Variants in PIP4K2B observed in about 807,000 individuals in gnomAD.
PIP4K2B encodes phosphatidylinositol-5-phosphate 4-kinase type 2 beta.
In PIP4K2B, 3 loss-of-function variants were observed where a neutral mutation model predicts 42.0. That is an observed-to-expected ratio of 0.07 (90% CI 0.03 to 0.18). The LOEUF (loss-of-function observed/expected upper bound fraction) is 0.18, where lower values mean the gene tolerates loss of function less well. Among genes scored for constraint, PIP4K2B ranks in the 10% least tolerant of loss-of-function variants. The pLI, the probability that PIP4K2B is intolerant of heterozygous loss-of-function variation, is 1.00. For missense variants in PIP4K2B, 332 were observed against 562.3 expected (o/e 0.59, Z 4.14); for synonymous variants, 204 against 210.1 (o/e 0.97, Z 0.25).
chr17:38,799,222 A>G lies in PIP4K2B; in HGVS notation c.159+44T>C. 6.5e-7 allele frequency: 1 copy of G among 1,535,704 alleles called. No homozygotes were observed. The highest frequency in any genetic ancestry group is 8.7e-7 in the Non-Finnish European group (1 of 1,147,254). ...GGCCCAGGGCTGCAGGGGGCGTGGG[A>G]GCGCGCGGGGCCGCGCTCAGAGGGG... On this transcript the variant is annotated intron_variant, in intron 1 of 9. Transcript: ENST00000619039. The surrounding 1 kb of genome is among the most constrained non-coding windows in gnomAD (Gnocchi z 4.4).
intron 9 of PIP4K2B, among the ~76,000 whole-genome samples, chr17:38,770,198 G>A (rs889778970): frequency 6.6e-6 from 1 of 152,212 alleles, no homozygotes; most frequent in Non-Finnish European, 1.5e-5. Flanking sequence ...GCTTGGCCCC[G>A]AGGGCTGGAG....
At chr17:38,775,144 G>A (rs1319436875) in intron 7 of PIP4K2B, among the ~76,000 whole-genome samples, 3 of 151,986 alleles carry the variant, frequency 2.0e-5, no homozygotes, top group Non-Finnish European at 1.5e-5. Flanking sequence ...TAGTAGAGAC[G>A]GGGTTTCACC....
At chr17:38,798,971 G>A (rs938567772) in intron 1 of PIP4K2B, among the ~76,000 whole-genome samples, 4 of 152,234 alleles carry the variant, frequency 2.6e-5, no homozygotes, top group Admixed American at 6.5e-5. Context: ...CTGCACTGAG[G>A]CCTTGCCTTT....
intron 5 of PIP4K2B, among the ~76,000 whole-genome samples, chr17:38,778,612 A>G (rs902686946): frequency 6.6e-5 from 10 of 152,220 alleles, no homozygotes; most frequent in African/African-American, 2.4e-4. Flanking sequence ...CCCTTGAGCT[A>G]CTTTCCTTCT....
chr17:38,780,237 TCAGTC>T (rs1909621061), intron 4 of PIP4K2B, among the ~76,000 whole-genome samples: 3 of 151,842 alleles, frequency 2.0e-5, no homozygotes, highest in African/African-American at 7.3e-5. Flanking sequence ...CAACTGGGAG[TCAGTC>T]AGCGATGAGC....
intron 7 of PIP4K2B, chr17:38,776,691 A>T: frequency 2.5e-6 from 1 of 398,230 alleles, no homozygotes; most frequent in Non-Finnish European, 4.9e-6. Flanking sequence ...TTTTACCACA[A>T]TTAAAAAAAA....
intron 1 of PIP4K2B, among the ~76,000 whole-genome samples, chr17:38,795,275 A>T (rs1910594477): frequency 1.3e-5 from 2 of 152,152 alleles, no homozygotes; most frequent in Non-Finnish European, 2.9e-5. Context: ...AGATCTTTGT[A>T]AATGGGCAAA....
intron 1 of PIP4K2B, among the ~76,000 whole-genome samples, chr17:38,789,322 C>T (rs374132635): frequency 6.6e-6 from 1 of 152,224 alleles, no homozygotes; most frequent in Non-Finnish European, 1.5e-5. Context: ...TTCCCCACCT[C>T]GAGTTTAGCC....
chr17:38,779,572 G>A, intron 4 of PIP4K2B, 43 bp from the exon 5 acceptor site: 1 of 1,583,206 alleles, frequency 6.3e-7, no homozygotes, highest in Non-Finnish European at 8.7e-7. Flanking sequence ...GGAACAGGCA[G>A]TGCCAGGGAT....
Position 38,769,654 on chromosome 17 carries a change from A to T in PIP4K2B, c.*37T>A, listed in dbSNP as rs1443991336. ...CCTAACTCCCGATCCCCGACCCCAT[A>T]TCCAGCTCTCTGGCTCTGGCTGAAG... On this transcript the variant is annotated 3_prime_UTR_variant, in exon 10 of 10. Transcript: ENST00000619039. 2 of 1,225,842 alleles carry T rather than the reference A, an allele frequency of 1.6e-6. No homozygotes were observed. Among genetic ancestry groups the T allele is most frequent in the Admixed American group, 3.4e-5 (2 of 59,550 alleles). The allele number at this position is 1,225,842 out of a possible 1,614,324, so 75.9% of individuals were successfully genotyped here.
At chr17:38,794,807 T>C (rs1178558922) in intron 1 of PIP4K2B, among the ~76,000 whole-genome samples, 1 of 150,528 alleles carries the variant, frequency 6.6e-6, no homozygotes, top group East Asian at 1.9e-4. Context: ...ATAAGAAAAA[T>C]GAAAAAGGCA....
chr17:38,799,477 C>G lies in PIP4K2B; in HGVS notation c.-53G>C. ...AGAGGGGGGCGGCGGAGACAGCGCA[C>G]AAGCCAGCGGCCTCAGGCCTCCCCC... On this transcript the variant is annotated 5_prime_UTR_variant, in exon 1 of 10. Transcript: ENST00000619039. The surrounding 1 kb of genome is among the most constrained non-coding windows in gnomAD (Gnocchi z 4.4). 6.7e-7 allele frequency: 1 copy of G among 1,496,590 alleles called. No individual in the cohort carries two copies. Among genetic ancestry groups the G allele is most frequent in the Non-Finnish European group, 8.8e-7 (1 of 1,131,572 alleles). The allele number at this position is 1,496,590 out of a possible 1,614,324, so 92.7% of individuals were successfully genotyped here.
chr17:38,780,198 G>A (rs1174662604), intron 4 of PIP4K2B, among the ~76,000 whole-genome samples: 3 of 152,214 alleles, frequency 2.0e-5, no homozygotes, highest in Non-Finnish European at 4.4e-5. Flanking sequence ...CAGAAGAAAC[G>A]GGGCGGATGC....
chr17:38,796,392 C>T (rs1309401661), intron 1 of PIP4K2B, among the ~76,000 whole-genome samples: 1 of 152,148 alleles, frequency 6.6e-6, no homozygotes, highest in Non-Finnish European at 1.5e-5. Context: ...TCACACATAC[C>T]TGGTTCTTAA....
At chr17:38,775,653 C>G (rs748156331) in intron 7 of PIP4K2B, among the ~76,000 whole-genome samples, 4 of 151,954 alleles carry the variant, frequency 2.6e-5, no homozygotes, top group South Asian at 2.1e-4. Flanking sequence ...GTCAGGAGAT[C>G]GAAACCATCC....
At chr17:38,770,633 C>T (rs1236493333) in intron 8 of PIP4K2B, 94 bp from the exon 9 acceptor site, 1 of 745,724 alleles carries the variant, frequency 1.3e-6, no homozygotes, top group South Asian at 1.6e-5. Flanking sequence ...ACACAAGGCT[C>T]AGCTCCATCC....
intron 8 of PIP4K2B, 91 bp downstream of exon 8, chr17:38,770,923 G>A: frequency 1.4e-6 from 2 of 1,413,478 alleles, no homozygotes; most frequent in Non-Finnish European, 2.0e-6. Context: ...ATGAGGTGGA[G>A]GTCCAGATGC....
chr17:38,778,170 A>C (rs1225615482), intron 6 of PIP4K2B, among the ~76,000 whole-genome samples, 164 bp downstream of exon 6: 1 of 152,230 alleles, frequency 6.6e-6, no homozygotes, highest in Non-Finnish European at 1.5e-5. Context: ...GTCTAGGCCT[A>C]GCACAAGGAC....
At position 38,799,280 on chromosome 17, in the gene PIP4K2B, C is replaced by A; in HGVS notation, c.145G>T (p.Gly49Trp). Residue 49 changes from glycine to tryptophan, a missense_variant, in exon 1 of 10, where the codon GGG becomes TGG. Physicochemically the swap from Gly to Trp is radical, Grantham distance 184 (BLOSUM62 -2). Around this residue, in one of 6 missense-constraint regions of PIP4K2B, gnomAD observed 186 missense variants for 288.4 expected, o/e 0.64. Coordinates refer to ENST00000619039, the MANE Select transcript of PIP4K2B (RefSeq NM_003559.5). This position sits in a 1 kb window ranked among gnomAD's most constrained non-coding sequence, Gnocchi z 4.4. ...SEPILSVLMW[G>W]VNHTINELSN... ...GAGCTGGTTACCGTGTGGTTCACCCCCCACATCAGGACGCTGAGGATCGGC... is the reference window on the plus strand; with the variant it reads ...GAGCTGGTTACCGTGTGGTTCACCCACCACATCAGGACGCTGAGGATCGGC... The A allele has an allele frequency of 6.2e-7, 1 of 1,603,604 alleles. No homozygotes were observed.
Sources: gnomAD v4.1 joint callset for allele counts (sites outside exome capture counted in the v4.1 genomes callset) on GRCh38, gnomAD v4.1.1 for gene constraint, gnomAD v4.1.1 regional missense constraint, Gnocchi (gnomAD v3.1) non-coding constraint, MANE v1.5 for transcripts, NCBI Gene and HGNC (gene_info 2026-07-23, HGNC 2026-07-21) for gene names.